Variants in ZNF469 observed in about 807,000 individuals in gnomAD.
ZNF469 encodes zinc finger protein 469.
A neutral mutation model predicts 1.0 loss-of-function variants in ZNF469; 1 was observed. The observed-to-expected ratio is 1.00, with a 90% CI of 0.35 to 4.73. The LOEUF (loss-of-function observed/expected upper bound fraction) is 4.73. Ranked by LOEUF, ZNF469 falls within the 30% of genes most tolerant of loss-of-function variation. The pLI, the probability that ZNF469 is intolerant of heterozygous loss-of-function variation, is 0.16. For missense variants in ZNF469, 6,100 were observed against 5,356.3 expected, an observed-to-expected ratio of 1.14 and a Z score of -4.33; for synonymous variants, 2,703 against 2,363.4, an observed-to-expected ratio of 1.14 and a Z score of -4.17.
chr16:88,224,134 C>T, the ZNF469 span, among the ~76,000 whole-genome samples: 1 of 152,202 alleles, frequency 6.6e-6, no homozygotes, highest in Non-Finnish European at 1.5e-5. Flanking sequence ...AGCCGAGCTC[C>T]TTCTGCAGAA....
At chr16:88,303,439 T>C in the ZNF469 span, among the ~76,000 whole-genome samples, 1 of 152,164 alleles carries the variant, frequency 6.6e-6, no homozygotes, top group Non-Finnish European at 1.5e-5. Context: ...TGCCCAGCTT[T>C]CCAGAGCCCC....
At chr16:88,152,917 G>T in the ZNF469 span, among the ~76,000 whole-genome samples, 3 of 152,168 alleles carry the variant, frequency 2.0e-5, no homozygotes, top group African/African-American at 4.8e-5. The surrounding 1 kb of genome is among the most constrained non-coding windows in gnomAD (Gnocchi z 4.2). Flanking sequence ...CTGTCAAGGG[G>T]ATCAGCTCCA....
chr16:88,393,961 GGGGGGTTTGA>G (rs1377552386), intron 1 of ZNF469, among the ~76,000 whole-genome samples: 2 of 152,242 alleles, frequency 1.3e-5, no homozygotes, highest in Non-Finnish European at 2.9e-5. Flanking sequence ...TCCGACAGGA[GGGGGGTTTGA>G]CACGTCTACA....
upstream of ZNF469, among the ~76,000 whole-genome samples, chr16:88,381,219 C>G (rs1256249487): frequency 1.4e-5 from 2 of 141,234 alleles, no homozygotes; most frequent in Admixed American, 7.0e-5. Flanking sequence ...CACACACAGA[C>G]ATGCACTCAC....
At chr16:88,332,098 T>G in the ZNF469 span, among the ~76,000 whole-genome samples, 1 of 152,186 alleles carries the variant, frequency 6.6e-6, no homozygotes, top group East Asian at 1.9e-4. Context: ...AGGACAGGCA[T>G]GATGGGACAG....
At chr16:88,163,447 G>T in the ZNF469 span, among the ~76,000 whole-genome samples, 1 of 151,646 alleles carries the variant, frequency 6.6e-6, no homozygotes, top group Admixed American at 6.6e-5. Flanking sequence ...TGGGTAGATG[G>T]AGTGATGGAT....
the ZNF469 span, among the ~76,000 whole-genome samples, chr16:88,358,712 A>AT: frequency 6.0e-5 from 9 of 150,116 alleles, no homozygotes; most frequent in South Asian, 2.1e-4. Context: ...ATTTATTTTA[A>AT]TTTTTTTTTT....
chr16:88,415,206 G>GGGGTCTCC, intron 1 of ZNF469, among the ~76,000 whole-genome samples: 2 of 152,276 alleles, frequency 1.3e-5, no homozygotes, highest in African/African-American at 4.8e-5. Context: ...CGGAACATCA[G>GGGGTCTCC]GGACCCTCCG....
At chr16:88,246,759 G>C in the ZNF469 span, among the ~76,000 whole-genome samples, 5 of 152,222 alleles carry the variant, frequency 3.3e-5, no homozygotes, top group African/African-American at 9.6e-5. Flanking sequence ...GTGAGTGAAT[G>C]AGTGAGTGAA....
At chr16:88,208,777 G>GCACACACA in the ZNF469 span, among the ~76,000 whole-genome samples, 91 of 130,042 alleles carry the variant, frequency 7.0e-4, no homozygotes, top group Middle Eastern at 4.3e-3. Flanking sequence ...GCGCGTGCGC[G>GCACACACA]CGCACACACA....
At chr16:88,142,325 G>A in the ZNF469 span, among the ~76,000 whole-genome samples, 1 of 152,256 alleles carries the variant, frequency 6.6e-6, no homozygotes, top group Non-Finnish European at 1.5e-5. Flanking sequence ...TCAGGCGAAG[G>A]CACCTGACCT....
At chr16:88,274,411 A>G in the ZNF469 span, among the ~76,000 whole-genome samples, 1 of 152,256 alleles carries the variant, frequency 6.6e-6, no homozygotes, top group African/African-American at 2.4e-5. Context: ...ATTTTATGTT[A>G]TGTGTATTTT....
At chr16:88,407,172 G>A (rs961723285) in intron 1 of ZNF469, among the ~76,000 whole-genome samples, 6 of 152,208 alleles carry the variant, frequency 3.9e-5, no homozygotes, top group East Asian at 1.9e-4. Context: ...CTGAGTGGGC[G>A]GCTGCGGCTC....
At chr16:88,266,455 G>A in the ZNF469 span, among the ~76,000 whole-genome samples, 1 of 152,348 alleles carries the variant, frequency 6.6e-6, no homozygotes, top group African/African-American at 2.4e-5. Context: ...GTGTCCTCGG[G>A]GTCTCACGGT....
At chr16:88,334,695 T>C in the ZNF469 span, among the ~76,000 whole-genome samples, 6 of 152,312 alleles carry the variant, frequency 3.9e-5, no homozygotes, top group African/African-American at 7.2e-5. Flanking sequence ...GATCTCAAGA[T>C]GAGGTTGTCC....
At chr16:88,323,419 T>G in the ZNF469 span, among the ~76,000 whole-genome samples, 264 of 152,336 alleles carry the variant, frequency 1.7e-3, no homozygotes, top group Admixed American at 3.0e-3. Flanking sequence ...AACCACCTTC[T>G]TCCTTCCCAC....
chr16:88,190,549 G>A, the ZNF469 span, among the ~76,000 whole-genome samples: 1 of 152,180 alleles, frequency 6.6e-6, no homozygotes, highest in African/African-American at 2.4e-5. Flanking sequence ...ACACAGCCAC[G>A]TCCTCACAAT....
At chr16:88,375,350 G>A in the ZNF469 span, among the ~76,000 whole-genome samples, 2 of 152,266 alleles carry the variant, frequency 1.3e-5, no homozygotes, top group Non-Finnish European at 2.9e-5. Context: ...AAGGCCACCA[G>A]TAAGAGGCAG....
the ZNF469 span, among the ~76,000 whole-genome samples, chr16:88,364,651 C>A: frequency 6.6e-6 from 1 of 152,282 alleles, no homozygotes; most frequent in East Asian, 1.9e-4. Flanking sequence ...TTAGTGATGT[C>A]GTGCCATTTT....
Sources: gnomAD v4.1 joint callset for allele counts (sites outside exome capture counted in the v4.1 genomes callset) on GRCh38, gnomAD v4.1.1 for gene constraint, Gnocchi (gnomAD v3.1) non-coding constraint, MANE v1.5 for transcripts, NCBI Gene and HGNC (gene_info 2026-07-23, HGNC 2026-07-21) for gene names.